The following CTNNA2 variants were observed in gnomAD, a reference collection of about 807,000 sequenced individuals.
CTNNA2 encodes the protein catenin alpha-2.
A neutral mutation model predicts 101.0 loss-of-function variants in CTNNA2; 42 were observed. The ratio of observed to expected loss-of-function variants is 0.42; its 90% CI spans 0.32 to 0.54. CTNNA2 has a LOEUF of 0.54. Among genes scored for constraint, CTNNA2 ranks in the 20% least tolerant of loss-of-function variants. CTNNA2 has a pLI of 0.14. For synonymous variants in CTNNA2, 450 were observed against 456.4 expected, an observed-to-expected ratio of 0.99 and a Z score of 0.18; for missense variants, 871 against 1,223.1, an observed-to-expected ratio of 0.71 and a Z score of 4.29.
chr2:79,907,944 G>T lies in CTNNA2; in HGVS notation c.853-1650G>T, dbSNP rs140717452. ...GACTTCAACATTCTTGTGCCCAAAG[G>T]TTCTATCTCTCTGCTCTGGAGATTT... On this transcript the variant is annotated intron_variant, in intron 6 of 18. Coordinates refer to ENST00000402739, the MANE Select transcript of CTNNA2 (RefSeq NM_001282597.3). Among the ~76,000 whole-genome samples the T allele has an allele frequency of 2.6e-3, 396 of 152,214 alleles. 1 individual carries two copies. Among genetic ancestry groups the T allele is most frequent in the Non-Finnish European group, 3.5e-3 (237 of 68,030 alleles).
chr2:79,289,638 A>G (rs193183735), intron 2 of CTNNA2, among the ~76,000 whole-genome samples: 2 of 151,998 alleles, frequency 1.3e-5, no homozygotes, highest in African/African-American at 2.4e-5. Context: ...CCAGCTACTC[A>G]GGAGGCTGAG....
At chr2:80,056,879 A>C (rs898695053) in intron 7 of CTNNA2, among the ~76,000 whole-genome samples, 1 of 152,164 alleles carries the variant, frequency 6.6e-6, no homozygotes, top group Non-Finnish European at 1.5e-5. Flanking sequence ...GTTAATCTTC[A>C]TCATAAACTC....
rs555759296 is a variant in CTNNA2, at chr2:80,170,251, G to A, written c.1057-222960G>A. 4.0e-5 allele frequency among the ~76,000 whole-genome samples: 6 copies of A among 151,548 alleles called. No individual in the cohort carries two copies. In the South Asian group the frequency reaches 1.0e-3, roughly 26 times the overall value. ...TCTCTCTGTGTGTGTGTGTGTGTTT[G>A]TGTGTGTGTGTGGAGTACATCCTTC... is the stretch of plus-strand genomic sequence containing the variant. On this transcript the variant is annotated intron_variant, in intron 7 of 18. Transcript: ENST00000402739.
intron 15 of CTNNA2, among the ~76,000 whole-genome samples, chr2:80,591,919 T>C (rs2149742789): frequency 6.6e-6 from 1 of 152,300 alleles, no homozygotes; most frequent in South Asian, 2.1e-4. Flanking sequence ...CACTCAGTTC[T>C]TGACTTCCAT....
intron 7 of CTNNA2, among the ~76,000 whole-genome samples, chr2:79,940,539 AG>A (rs1252664176): frequency 1.3e-5 from 2 of 152,182 alleles, no homozygotes; most frequent in Non-Finnish European, 2.9e-5. Flanking sequence ...CAAGCCTTCT[AG>A]CAGGCAGCAG....
chr2:79,267,259 T>C (rs1674998081), intron 2 of CTNNA2, among the ~76,000 whole-genome samples: 1 of 152,140 alleles, frequency 6.6e-6, no homozygotes, highest in African/African-American at 2.4e-5. Context: ...CTTGGTGGCT[T>C]ATAAATAACA....
At chr2:80,197,157 C>T (rs965736817) in intron 7 of CTNNA2, among the ~76,000 whole-genome samples, 1 of 152,154 alleles carries the variant, frequency 6.6e-6, no homozygotes, top group Admixed American at 6.5e-5. Context: ...TTTTCACAAT[C>T]TGTAGTCAAT....
At chr2:80,457,310 CGCCTTG>C (rs1684065408) in intron 9 of CTNNA2, among the ~76,000 whole-genome samples, 2 of 151,990 alleles carry the variant, frequency 1.3e-5, no homozygotes, top group Non-Finnish European at 2.9e-5. Flanking sequence ...GTTTTCTGCC[CGCCTTG>C]GCCTCCCAAA....
At chr2:79,834,516 T>C (rs974347044) in intron 3 of CTNNA2, among the ~76,000 whole-genome samples, 2 of 152,120 alleles carry the variant, frequency 1.3e-5, no homozygotes, top group Admixed American at 6.5e-5. Flanking sequence ...TTGGTATGCT[T>C]TTCATATCTT....
chr2:79,613,794 C>CA (rs1573479168), intron 1 of CTNNA2, among the ~76,000 whole-genome samples: 1 of 152,138 alleles, frequency 6.6e-6, no homozygotes, highest in East Asian at 1.9e-4. Context: ...TGCTGGATTA[C>CA]ATGCATGAGC....
chr2:80,313,475 C>G lies in CTNNA2; in HGVS notation c.1057-79736C>G, dbSNP rs17018984. The G allele has an allele frequency of 3.9e-6, 6 of 1,543,872 alleles. No individual in the cohort carries two copies. In the South Asian group the frequency reaches 7.4e-5, roughly 19 times the overall value. On this transcript the variant is annotated intron_variant, in intron 7 of 18. Transcript: ENST00000402739. ...CAAACCAATATTATTCATGCTATGGCAGAGATGTAAACAAGAGCTGTGGTT... is the reference window on the plus strand; with the variant it reads ...CAAACCAATATTATTCATGCTATGGGAGAGATGTAAACAAGAGCTGTGGTT...
intron 1 of CTNNA2, among the ~76,000 whole-genome samples, chr2:79,600,188 A>C (rs182364987): frequency 6.6e-6 from 1 of 150,574 alleles, no homozygotes; most frequent in Admixed American, 6.6e-5. Context: ...ATTTTATTTT[A>C]TTTTTGAGAC....
chr2:79,679,841 C>G (rs1227836989), intron 2 of CTNNA2, among the ~76,000 whole-genome samples: 2 of 152,048 alleles, frequency 1.3e-5, no homozygotes, highest in Non-Finnish European at 2.9e-5. Flanking sequence ...AGAAGTCCTC[C>G]TGCGTCTTCT....
At chr2:80,232,346 T>TG (rs1290984174) in intron 7 of CTNNA2, among the ~76,000 whole-genome samples, 1 of 6,714 alleles carries the variant, frequency 1.5e-4, no homozygotes, top group African/African-American at 7.5e-4. Flanking sequence ...TGTTTGTTTG[T>TG]TTTTTTTTTT....
intron 2 of CTNNA2, among the ~76,000 whole-genome samples, chr2:79,310,243 A>C (rs1252742109): frequency 6.6e-6 from 1 of 152,208 alleles, no homozygotes. Context: ...ATTATGCTTA[A>C]GAGCAATGGT....
intron 7 of CTNNA2, among the ~76,000 whole-genome samples, chr2:80,352,936 T>G (rs941046705): frequency 1.3e-5 from 2 of 152,016 alleles, no homozygotes; most frequent in African/African-American, 4.8e-5. Context: ...AAAATAAAGA[T>G]TCCAAAAAAG....
chr2:80,324,296 G>A (rs563189468), intron 7 of CTNNA2, among the ~76,000 whole-genome samples: 10 of 152,238 alleles, frequency 6.6e-5, no homozygotes, highest in East Asian at 1.9e-4. Context: ...GCCGCTGCTC[G>A]CAGTGTGAGG....
At chr2:80,380,243 A>C (rs1676384039) in intron 7 of CTNNA2, among the ~76,000 whole-genome samples, 1 of 151,928 alleles carries the variant, frequency 6.6e-6, no homozygotes, top group Non-Finnish European at 1.5e-5. Flanking sequence ...TCACCGTGTT[A>C]GCCAGGATAA....
intron 3 of CTNNA2, among the ~76,000 whole-genome samples, chr2:79,346,503 A>G (rs1049472928): frequency 1.1e-4 from 17 of 152,174 alleles, no homozygotes; most frequent in African/African-American, 4.1e-4. Flanking sequence ...TGTCCTATTG[A>G]TGTCAATAAC....
Sources: allele counts gnomAD v4.1 joint callset (sites outside exome capture counted in the v4.1 genomes callset), GRCh38; gene constraint gnomAD v4.1.1; transcripts MANE v1.5; gene names NCBI Gene and HGNC (gene_info 2026-07-23, HGNC 2026-07-21).